Variants in GLCE observed in about 807,000 individuals in gnomAD.
GLCE encodes D-glucuronyl C5-epimerase.
In GLCE, 19 loss-of-function variants were observed where a neutral mutation model predicts 47.9. The ratio of observed to expected loss-of-function variants is 0.40; its 90% CI spans 0.28 to 0.58. GLCE has a LOEUF of 0.58. GLCE is among the 20% of genes least tolerant of loss of function. GLCE has a pLI of 0.48. For synonymous variants in GLCE, 245 were observed against 263.4 expected (o/e 0.93, Z 0.68); for missense variants, 556 against 743.3 (o/e 0.75, Z 2.93).
At chr15:69,265,620 C>A (rs1461608186) in intron 4 of GLCE, among the ~76,000 whole-genome samples, 1 of 152,126 alleles carries the variant, frequency 6.6e-6, no homozygotes, top group South Asian at 2.1e-4. Context: ...CCCTTGACAT[C>A]GTTCATTACT....
At chr15:69,237,998 C>T (rs2052615808) in intron 2 of GLCE, among the ~76,000 whole-genome samples, 1 of 152,142 alleles carries the variant, frequency 6.6e-6, no homozygotes, top group African/African-American at 2.4e-5. Context: ...AAGTTAAGTG[C>T]TATACAGTAC....
chr15:69,212,976 A>G (rs1172207662), intron 2 of GLCE, among the ~76,000 whole-genome samples: 1 of 152,076 alleles, frequency 6.6e-6, no homozygotes, highest in Non-Finnish European at 1.5e-5. Flanking sequence ...TACCAAATAA[A>G]TTTAAAAAAA....
chr15:69,236,030 T>C (rs1213610513), intron 2 of GLCE, among the ~76,000 whole-genome samples: 1 of 152,218 alleles, frequency 6.6e-6, no homozygotes, highest in African/African-American at 2.4e-5. Context: ...TGAAATTATA[T>C]AGTAAGTACA....
At chr15:69,197,368 A>G (rs2052009683) in intron 1 of GLCE, 1 of 223,356 alleles carries the variant, frequency 4.5e-6, no homozygotes, top group Non-Finnish European at 9.2e-6. Context: ...ACATTTTTAC[A>G]CTACAGGAAT....
intron 1 of GLCE, among the ~76,000 whole-genome samples, chr15:69,199,893 G>A (rs140384095): frequency 6.6e-5 from 10 of 152,266 alleles, no homozygotes; most frequent in South Asian, 2.1e-4. Context: ...AAAAGAATTA[G>A]TGTGCTTGAG....
At position 69,189,460 on chromosome 15, in the gene GLCE, G is replaced by A. The variant is rs563404209; in HGVS notation, c.-104-20856G>A. Among the ~76,000 whole-genome samples the A allele has an allele frequency of 6.6e-5, 10 of 152,288 alleles. No individual in the cohort carries two copies. In the South Asian group the frequency reaches 2.1e-3, roughly 32 times the overall value. On this transcript the variant is annotated intron_variant, in intron 1 of 4. Transcript: ENST00000261858. Reference sequence around the variant, plus strand: ...CATTCACCTACTGAAGGACATATTGGTGGCTTCCAAGTTTGGGCAATTATG... The same window carrying A: ...CATTCACCTACTGAAGGACATATTGATGGCTTCCAAGTTTGGGCAATTATG...
rs746621678 is a variant in GLCE, at chr15:69,250,803, G to GT, written c.-13-4989dup. Among the ~76,000 whole-genome samples the GT allele has an allele frequency of 3.6e-3, 329 of 90,230 alleles. 2 individuals are homozygous for GT. Among genetic ancestry groups the GT allele is most frequent in the Admixed American group, 0.011 (98 of 9,122 alleles). The allele number at this position is 90,230 out of a possible 152,430, so 59.2% of individuals were successfully genotyped here. A position where few individuals can be genotyped will look rare whatever the true frequency, so the allele number is the denominator to read the frequency against. ...CTGCAAGCACATGCCATTTTTTATA[G>GT]TTAAAAAAAAAAAAAAAAAACAGCG... On this transcript the variant is annotated intron_variant, in intron 2 of 4. Transcript: ENST00000261858.
rs76786398 is a variant in GLCE, at chr15:69,233,234, G to A, written c.-13-22560G>A. On this transcript the variant is annotated intron_variant, in intron 2 of 4. Coordinates refer to ENST00000261858, the MANE Select transcript of GLCE (RefSeq NM_015554.3). ...TAACCTCTAAGGATTTAGGTGTAAA[G>A]TATGTGAAAAACATGTAAAAGATTC... 2.7e-3 allele frequency among the ~76,000 whole-genome samples: 416 copies of A among 152,258 alleles called. 15 individuals are homozygous for A. In the East Asian group the frequency reaches 0.067, roughly 25 times the overall value.
At chr15:69,221,862 CAAAAAAAAA>C (rs35986310) in intron 2 of GLCE, among the ~76,000 whole-genome samples, 2 of 87,444 alleles carry the variant, frequency 2.3e-5, no homozygotes, top group Admixed American at 1.2e-4. Flanking sequence ...GACGCTGTCT[CAAAAAAAAA>C]AAAAAAAAAA....
chr15:69,270,368 T>C lies in GLCE; in HGVS notation c.*1124T>C, dbSNP rs1346205086. On this transcript the variant is annotated 3_prime_UTR_variant, in exon 5 of 5. Coordinates refer to ENST00000261858, the MANE Select transcript of GLCE (RefSeq NM_015554.3). ...TATCCCAGCTATTAGATAGAAGGGA[T>C]GTTACTGCACTTATGTGTAATCAGA... is the stretch of plus-strand genomic sequence containing the variant. 2 of 152,284 alleles carry C rather than the reference T, an allele frequency of 1.3e-5. No individual in the cohort carries two copies. Among genetic ancestry groups the C allele is most frequent in the Admixed American group, 1.3e-4 (2 of 15,290 alleles). The allele number at this position is 152,284 out of a possible 1,614,324, so 9.4% of individuals were successfully genotyped here.
intron 2 of GLCE, among the ~76,000 whole-genome samples, chr15:69,211,743 T>A (rs1412784734): frequency 1.3e-5 from 2 of 151,978 alleles, no homozygotes; most frequent in Non-Finnish European, 2.9e-5. Context: ...AAACAAATTA[T>A]TTTTGCTATT....
chr15:69,218,055 A>G (rs960572929), intron 2 of GLCE, among the ~76,000 whole-genome samples: 2 of 151,170 alleles, frequency 1.3e-5, no homozygotes, highest in African/African-American at 4.9e-5. Flanking sequence ...TTGGGAGGCC[A>G]AGGCAGGAGA....
intron 2 of GLCE, among the ~76,000 whole-genome samples, chr15:69,228,569 TA>T (rs1303032917): frequency 6.6e-6 from 1 of 152,152 alleles, no homozygotes; most frequent in Non-Finnish European, 1.5e-5. Flanking sequence ...TAAAACAGGT[TA>T]ATTGGAAGAA....
chr15:69,246,888 CT>C (rs1286856239), intron 2 of GLCE, among the ~76,000 whole-genome samples: 1 of 152,110 alleles, frequency 6.6e-6, no homozygotes, highest in African/African-American at 2.4e-5. Flanking sequence ...TGAAGGGAAT[CT>C]TTTTTTCTGA....
chr15:69,180,224 G>C lies in GLCE; in HGVS notation c.-105+19467G>C, dbSNP rs549992521. 3.4e-4 allele frequency among the ~76,000 whole-genome samples: 51 copies of C among 152,238 alleles called. No individual in the cohort carries two copies. The South Asian group carries it at 9.3e-3, about 28-fold the overall frequency. ...TCCCTTTTAGTATAGTCTTAATACT[G>C]TGGATAATTTGGCATCATCCTTGAA... On this transcript the variant is annotated intron_variant, in intron 1 of 4. Transcript: ENST00000261858.
chr15:69,172,660 G>A (rs946927073), intron 1 of GLCE, among the ~76,000 whole-genome samples: 2 of 152,076 alleles, frequency 1.3e-5, no homozygotes, highest in Non-Finnish European at 2.9e-5. Context: ...ATAGGTAGGT[G>A]GATTAGTAAT....
intron 1 of GLCE, among the ~76,000 whole-genome samples, chr15:69,185,878 C>T (rs1352138569): frequency 1.3e-5 from 2 of 152,236 alleles, no homozygotes; most frequent in East Asian, 3.9e-4. Flanking sequence ...AAATCTGGGC[C>T]TCTGGAACTT....
chr15:69,246,410 T>G (rs2052750583), intron 2 of GLCE, among the ~76,000 whole-genome samples: 1 of 152,154 alleles, frequency 6.6e-6, no homozygotes, highest in Non-Finnish European at 1.5e-5. Context: ...CAAAATGTAT[T>G]TATTAAATAC....
chr15:69,197,636 T>C (rs1009656487), intron 1 of GLCE, among the ~76,000 whole-genome samples: 2 of 152,092 alleles, frequency 1.3e-5, no homozygotes, highest in African/African-American at 4.8e-5. Context: ...GGAGAATCGA[T>C]TGTTGTGTTT....
Sources: allele counts gnomAD v4.1 joint callset (sites outside exome capture counted in the v4.1 genomes callset), GRCh38; gene constraint gnomAD v4.1.1; transcripts MANE v1.5; gene names NCBI Gene and HGNC (gene_info 2026-07-23, HGNC 2026-07-21).